Variants in PIK3R5 observed in about 807,000 individuals in gnomAD.
The protein encoded by PIK3R5 is phosphoinositide-3-kinase regulatory subunit 5.
Under a neutral mutation model 94.9 loss-of-function variants are expected in PIK3R5, and 32 were observed. The observed-to-expected ratio is 0.34, with a 90% confidence interval of 0.25 to 0.45. The LOEUF (loss-of-function observed/expected upper bound fraction) is 0.45. Ranked by LOEUF, PIK3R5 falls within the 20% of genes least tolerant of loss-of-function variation. The pLI is 1.00. For synonymous variants in PIK3R5, 443 were observed against 479.4 expected, an observed-to-expected ratio of 0.92 and a Z score of 0.99; for missense variants, 853 against 1,144.6, an observed-to-expected ratio of 0.75 and a Z score of 3.68.
chr17:8,931,866 A>G (rs1216843473), intron 1 of PIK3R5, among the ~76,000 whole-genome samples: 1 of 152,220 alleles, frequency 6.6e-6, no homozygotes, highest in African/African-American at 2.4e-5. Context: ...TAGGAAGGTA[A>G]TTCTTGACAT....
intron 1 of PIK3R5, among the ~76,000 whole-genome samples, chr17:8,959,934 G>C (rs540832822): frequency 6.6e-6 from 1 of 152,342 alleles, no homozygotes; most frequent in African/African-American, 2.4e-5. Context: ...TGTTGATGGA[G>C]ATGCACAAAT....
At chr17:8,917,167 A>T (rs1375975731) in intron 1 of PIK3R5, among the ~76,000 whole-genome samples, 1 of 152,216 alleles carries the variant, frequency 6.6e-6, no homozygotes, top group Non-Finnish European at 1.5e-5. Flanking sequence ...TTGGTTAGTT[A>T]CTATGGGAGG....
chr17:8,899,755 A>G (rs2090235531), intron 5 of PIK3R5, among the ~76,000 whole-genome samples: 1 of 152,126 alleles, frequency 6.6e-6, no homozygotes, highest in African/African-American at 2.4e-5. Context: ...AAATCATAGG[A>G]AAGGCTGGGC....
At chr17:8,914,826 C>T (rs1330921460) in intron 1 of PIK3R5, among the ~76,000 whole-genome samples, 1 of 152,238 alleles carries the variant, frequency 6.6e-6, no homozygotes, top group East Asian at 1.9e-4. Context: ...GGGCCTGAGC[C>T]GGTTTGTTGT....
chr17:8,882,342 C>T lies in PIK3R5; in HGVS notation c.2206-461G>A, dbSNP rs112105047. 2.8e-3 allele frequency: 479 copies of T among 170,196 alleles called. 3 individuals carry two copies. Among genetic ancestry groups the T allele is most frequent in the African/African-American group, 0.011 (448 of 42,106 alleles). The allele number at this position is 170,196 out of a possible 1,614,324, so 10.5% of individuals were successfully genotyped here. A position where few individuals can be genotyped will look rare whatever the true frequency, so the allele number is the denominator to read the frequency against. On this transcript the variant is annotated intron_variant, in intron 15 of 18. Coordinates refer to ENST00000447110, the MANE Select transcript of PIK3R5 (RefSeq NM_001142633.3). This position sits in a 1 kb window ranked among gnomAD's most constrained non-coding sequence, Gnocchi z 4.1. ...TTGACCTTACAGTTCACTGCTCTCCCCTCCTTGAAAACCTCTCCTGGGCTT... is the reference window on the plus strand; with the variant it reads ...TTGACCTTACAGTTCACTGCTCTCCTCTCCTTGAAAACCTCTCCTGGGCTT...
At chr17:8,914,064 C>T (rs533688756) in intron 1 of PIK3R5, among the ~76,000 whole-genome samples, 5 of 152,322 alleles carry the variant, frequency 3.3e-5, no homozygotes, top group Non-Finnish European at 4.4e-5. Flanking sequence ...GCTAACGGCA[C>T]CTGCTGGAGG....
intron 14 of PIK3R5, among the ~76,000 whole-genome samples, chr17:8,886,018 G>A (rs1170470954): frequency 7.1e-6 from 1 of 141,292 alleles, no homozygotes; most frequent in Non-Finnish European, 1.5e-5. Flanking sequence ...CCCACCTCCC[G>A]TATCCCTGCC....
At position 8,886,508 on chromosome 17, in the gene PIK3R5, C is replaced by A; in HGVS notation, c.2003G>T (p.Arg668Ile). 1 of 1,610,874 alleles carries A rather than the reference C, an allele frequency of 6.2e-7. No homozygotes were observed. The highest frequency in any genetic ancestry group is 1.1e-5 in the South Asian group (1 of 90,562). Residue 668 changes from arginine (R) to isoleucine (I), a missense_variant, in exon 13 of 19, where the codon AGA (arginine) becomes ATA (isoleucine). Arg to Ile is a moderately conservative substitution (Grantham distance 97, BLOSUM62 -3). Coordinates refer to ENST00000447110, the MANE Select transcript of PIK3R5 (RefSeq NM_001142633.3). ...CTGATAGACTTGCAGCAGCACCGGT[C>A]TGGCGGCAAAGCGGCAGTAGTAGAG... Reference protein sequence around the residue: ...MLLYYCRFAARPVLLQVYQTE... With the variant: ...MLLYYCRFAAIPVLLQVYQTE...
intron 1 of PIK3R5, among the ~76,000 whole-genome samples, chr17:8,953,152 G>A (rs2091406982): frequency 6.6e-6 from 1 of 152,136 alleles, no homozygotes; most frequent in African/African-American, 2.4e-5. Context: ...GTCCAGCATT[G>A]AGGGCTTGCT....
chr17:8,929,717 C>A (rs2090953932), intron 1 of PIK3R5, among the ~76,000 whole-genome samples: 1 of 152,120 alleles, frequency 6.6e-6, no homozygotes, highest in African/African-American at 2.4e-5. Context: ...AAACAGAAAA[C>A]TGAATACCAC....
At chr17:8,964,759 A>T (rs1009003954) in intron 1 of PIK3R5, among the ~76,000 whole-genome samples, 2 of 152,182 alleles carry the variant, frequency 1.3e-5, no homozygotes, top group African/African-American at 2.4e-5. Flanking sequence ...ACACAGAAGG[A>T]AAACGAGGGT....
At chr17:8,902,073 G>C (rs1567645047) in intron 5 of PIK3R5, among the ~76,000 whole-genome samples, 1 of 151,608 alleles carries the variant, frequency 6.6e-6, no homozygotes, top group Non-Finnish European at 1.5e-5. Context: ...ATTTGATAGG[G>C]GGGGAAGAAG....
intron 1 of PIK3R5, among the ~76,000 whole-genome samples, chr17:8,939,126 CT>C (rs1347476284): frequency 6.6e-6 from 1 of 152,210 alleles, no homozygotes; most frequent in African/African-American, 2.4e-5. Context: ...CATTCTTCAT[CT>C]CTGTTTTACA....
rs2089988466 is a variant in PIK3R5 at position 8,890,168 on chromosome 17, A to C, written c.658-42T>G. The C allele has an allele frequency of 6.2e-7, 1 of 1,603,922 alleles. No homozygotes were observed. Among genetic ancestry groups the C allele is most frequent in the South Asian group, 1.1e-5 (1 of 90,930 alleles). ...AGATGGGCTTTGCTCCTGGACCGTGAGCTAGCTGTCCACCTGTTCCAGTTG... is the reference window on the plus strand; with the variant it reads ...AGATGGGCTTTGCTCCTGGACCGTGCGCTAGCTGTCCACCTGTTCCAGTTG... On this transcript the variant is annotated intron_variant, in intron 7 of 18. Transcript: ENST00000447110. This position sits in a 1 kb window ranked among gnomAD's most constrained non-coding sequence, Gnocchi z 6.1.
rs950407560 is a variant in PIK3R5, at chr17:8,883,361, A to G, written c.2205+1346T>C. 3.3e-5 allele frequency among the ~76,000 whole-genome samples: 5 copies of G among 152,298 alleles called. No homozygotes were observed. In the East Asian group the frequency reaches 9.6e-4, roughly 29 times the overall value. On this transcript the variant is annotated intron_variant, in intron 15 of 18. Coordinates refer to ENST00000447110, the MANE Select transcript of PIK3R5 (RefSeq NM_001142633.3). ...CTAGCCTGAGAAACAGGGCGAGACT[A>G]TGTCTCAAAAAAACAAACAAAAAAC...
rs201106247 is a variant in PIK3R5, at chr17:8,925,465, GATGA to G, written c.-13-13962_-13-13959del. On this transcript the variant is annotated intron_variant, in intron 1 of 18. Transcript: ENST00000447110. The surrounding 1 kb of genome is among the most constrained non-coding windows in gnomAD (Gnocchi z 5.1). ...ATAGTAGATGGATAGATAGTAGATG[GATGA>G]TAGATAGATAGTAGATGGATAGATA... 0.062 allele frequency among the ~76,000 whole-genome samples: 9,207 copies of G among 148,174 alleles called. 404 individuals are homozygous for G. The highest frequency in any genetic ancestry group is 0.086 in the Non-Finnish European group (5,811 of 67,388).
chr17:8,881,067 C>T lies in PIK3R5; in HGVS notation c.2383-50G>A, dbSNP rs1430874347. On this transcript the variant is annotated intron_variant, in intron 17 of 18. Coordinates refer to ENST00000447110, the MANE Select transcript of PIK3R5 (RefSeq NM_001142633.3). This position sits in a 1 kb window ranked among gnomAD's most constrained non-coding sequence, Gnocchi z 4.8. ...CCAAATCCCTGGCCATCCAACACTG[C>T]CAGCCCCTGGCAGTTCCTTTTCTCA... The T allele has an allele frequency of 2.2e-6, 3 of 1,364,594 alleles. No homozygotes were observed. The East Asian group carries it at 6.9e-5, about 31-fold the overall frequency. 84.5% of individuals were successfully genotyped at this position (1,364,594 alleles called of 1,614,324 possible). A position where few individuals can be genotyped will look rare whatever the true frequency, so the allele number is the denominator to read the frequency against.
At position 8,964,896 on chromosome 17, in the gene PIK3R5, C is replaced by T. The variant is rs529348904; in HGVS notation, c.-14+700G>A. Among the ~76,000 whole-genome samples, 3 of 152,346 alleles carry T rather than the reference C, an allele frequency of 2.0e-5. No individual in the cohort carries two copies. The South Asian group carries it at 6.2e-4, about 32-fold the overall frequency. On this transcript the variant is annotated intron_variant, in intron 1 of 18. Coordinates refer to ENST00000447110, the MANE Select transcript of PIK3R5 (RefSeq NM_001142633.3). ...TTATACCACATCCTGCTGCTTTAAC[C>T]TCGCCTTCCTTTTCCTTCTGAACAA...
intron 1 of PIK3R5, among the ~76,000 whole-genome samples, chr17:8,923,191 G>A (rs1490410784): frequency 1.3e-5 from 2 of 152,186 alleles, no homozygotes; most frequent in East Asian, 3.8e-4. Flanking sequence ...TTCAGCTCCT[G>A]TTGGCTAAAA....
Sources: gnomAD v4.1 joint callset for allele counts (sites outside exome capture counted in the v4.1 genomes callset) on GRCh38, gnomAD v4.1.1 for gene constraint, Gnocchi (gnomAD v3.1) non-coding constraint, MANE v1.5 for transcripts, NCBI Gene and HGNC (gene_info 2026-07-23, HGNC 2026-07-21) for gene names.